Variants in ADGRB3 observed in about 807,000 individuals in gnomAD.
ADGRB3 encodes adhesion G protein-coupled receptor B3.
ADGRB3 carries 37 observed loss-of-function variants against 193.4 expected under a neutral mutation model. That is an observed-to-expected ratio of 0.19 (90% CI 0.15 to 0.25). The LOEUF (loss-of-function observed/expected upper bound fraction) is 0.25. Ranked by LOEUF, ADGRB3 falls within the 10% of genes least tolerant of loss-of-function variation. The pLI, the probability that ADGRB3 is intolerant of heterozygous loss-of-function variation, is 1.00. For missense variants in ADGRB3, 1,637 were observed against 1,852.9 expected, an observed-to-expected ratio of 0.88 and a Z score of 2.14; for synonymous variants, 690 against 644.2, an observed-to-expected ratio of 1.07 and a Z score of -1.08.
intron 3 of ADGRB3, among the ~76,000 whole-genome samples, chr6:68,753,334 A>G (rs1371607833): frequency 6.6e-6 from 1 of 152,202 alleles, no homozygotes; most frequent in Non-Finnish European, 1.5e-5. Flanking sequence ...AAGGGAAAAG[A>G]GGAAATTATC....
In ADGRB3 at chr6:68,857,491, T is replaced by C. The variant is rs773301311; in HGVS notation, c.758-73068T>C. Among the ~76,000 whole-genome samples, 8 of 152,348 alleles carry C rather than the reference T, an allele frequency of 5.3e-5. 1 individual carries two copies. The South Asian group carries it at 6.2e-4, about 12-fold the overall frequency. ...TCATTTTGGAGCTTTAAGAGTTGAC[T>C]GTCCTGCTGGATTTCATACTTGCAT... is the stretch of plus-strand genomic sequence containing the variant. On this transcript the variant is annotated intron_variant, in intron 3 of 31. Transcript: ENST00000370598.
intron 3 of ADGRB3, among the ~76,000 whole-genome samples, chr6:68,651,380 A>G (rs1469366713): frequency 1.3e-5 from 2 of 152,212 alleles, no homozygotes; most frequent in African/African-American, 2.4e-5. Flanking sequence ...TATATTAAAA[A>G]TCTACTCTTT....
intron 3 of ADGRB3, among the ~76,000 whole-genome samples, chr6:68,903,779 G>A (rs1342324085): frequency 6.6e-6 from 1 of 151,706 alleles, no homozygotes; most frequent in Non-Finnish European, 1.5e-5. Context: ...GGGAAGCCGA[G>A]GTGAGAGGAT....
chr6:69,256,752 T>C (rs1766781870), intron 20 of ADGRB3, among the ~76,000 whole-genome samples: 1 of 151,948 alleles, frequency 6.6e-6, no homozygotes, highest in Admixed American at 6.6e-5. Flanking sequence ...TGAATAGGAG[T>C]GGTGAGAGAG....
intron 3 of ADGRB3, among the ~76,000 whole-genome samples, chr6:68,812,729 G>C (rs926416357): frequency 1.3e-5 from 2 of 151,734 alleles, no homozygotes; most frequent in South Asian, 2.1e-4. Flanking sequence ...GAACGTGCAG[G>C]TTTGTTACAT....
chr6:68,782,743 A>G (rs1176234640), intron 3 of ADGRB3, among the ~76,000 whole-genome samples: 3 of 151,832 alleles, frequency 2.0e-5, no homozygotes, highest in African/African-American at 7.3e-5. Flanking sequence ...GCATTTTTTC[A>G]TGTGTTTTTT....
chr6:68,714,777 A>G (rs555956902), intron 3 of ADGRB3, among the ~76,000 whole-genome samples: 1 of 151,966 alleles, frequency 6.6e-6, no homozygotes, highest in East Asian at 1.9e-4. Flanking sequence ...AATATAGTCA[A>G]TGCTTAAAAA....
intron 17 of ADGRB3, among the ~76,000 whole-genome samples, chr6:69,098,085 C>G (rs1485357946): frequency 1.3e-5 from 2 of 152,168 alleles, no homozygotes; most frequent in Non-Finnish European, 2.9e-5. Context: ...CTCTGTTTCA[C>G]TCTGTGACAC....
At chr6:69,350,982 T>G (rs1419114966) in intron 26 of ADGRB3, among the ~76,000 whole-genome samples, 3 of 152,110 alleles carry the variant, frequency 2.0e-5, no homozygotes, top group Admixed American at 2.0e-4. Flanking sequence ...TGAAGTATTC[T>G]ATTCTGTGAT....
intron 13 of ADGRB3, among the ~76,000 whole-genome samples, chr6:69,039,733 T>C (rs1261398740): frequency 6.8e-6 from 1 of 147,276 alleles, no homozygotes; most frequent in Admixed American, 6.8e-5. Context: ...ATTACATAAT[T>C]GTTTTTTTCT....
intron 13 of ADGRB3, among the ~76,000 whole-genome samples, chr6:69,033,365 A>T (rs1028177643): frequency 5.9e-5 from 9 of 152,126 alleles, no homozygotes; most frequent in Admixed American, 1.3e-4. Flanking sequence ...TTTCCTTAAC[A>T]TATACTCCAT....
intron 11 of ADGRB3, among the ~76,000 whole-genome samples, chr6:68,995,357 T>C (rs936718442): frequency 5.9e-5 from 9 of 152,166 alleles, no homozygotes; most frequent in Non-Finnish European, 1.2e-4. Context: ...GTTGAAACAT[T>C]AGGTAAAGTA....
intron 3 of ADGRB3, among the ~76,000 whole-genome samples, chr6:68,861,915 G>T (rs561089735): frequency 6.6e-6 from 1 of 152,278 alleles, no homozygotes; most frequent in Non-Finnish European, 1.5e-5. Flanking sequence ...GCTTAGAACA[G>T]TGTCTGACAT....
At chr6:68,925,508 C>T (rs1004713078) in intron 3 of ADGRB3, among the ~76,000 whole-genome samples, 2 of 151,948 alleles carry the variant, frequency 1.3e-5, no homozygotes, top group Non-Finnish European at 2.9e-5. Flanking sequence ...GAATCTTTCA[C>T]CTGTCAGCAA....
intron 16 of ADGRB3, among the ~76,000 whole-genome samples, chr6:69,068,865 A>G (rs1562145402): frequency 6.6e-6 from 1 of 152,156 alleles, no homozygotes; most frequent in African/African-American, 2.4e-5. Flanking sequence ...GACTCATTCT[A>G]ATTAAAACAG....
intron 20 of ADGRB3, among the ~76,000 whole-genome samples, chr6:69,304,202 T>C (rs574888554): frequency 1.3e-5 from 2 of 152,000 alleles, no homozygotes; most frequent in South Asian, 4.1e-4. Flanking sequence ...ACTTTTTAAA[T>C]ATTTGGGTTG....
At chr6:68,977,839 C>T (rs535281168) in intron 10 of ADGRB3, among the ~76,000 whole-genome samples, 9 of 144,142 alleles carry the variant, frequency 6.2e-5, no homozygotes, top group African/African-American at 9.8e-5. Context: ...GAATATCTGT[C>T]GGGGAGCAGT....
In ADGRB3 at chr6:68,660,285, ATG is replaced by A. The variant is rs1768595641; in HGVS notation, c.757+20857_757+20858del. Reference sequence around the variant, plus strand: ...CAGTATTAAAATATATTTTAATATTATGTGTTTTTACCTTTTTTAGTGAATCT... The same window carrying A: ...CAGTATTAAAATATATTTTAATATTATGTTTTTACCTTTTTTAGTGAATCT... On this transcript the variant is annotated intron_variant, in intron 3 of 31. Coordinates refer to ENST00000370598, the MANE Select transcript of ADGRB3 (RefSeq NM_001704.3). Among the ~76,000 whole-genome samples, 6 of 148,450 alleles carry A rather than the reference ATG, an allele frequency of 4.0e-5. No individual in the cohort carries two copies. In the Admixed American group the frequency reaches 4.1e-4, roughly 10 times the overall value.
intron 3 of ADGRB3, among the ~76,000 whole-genome samples, chr6:68,906,495 T>G (rs1766552456): frequency 1.3e-5 from 2 of 151,950 alleles, no homozygotes; most frequent in African/African-American, 4.8e-5. Context: ...TCAGATAGAT[T>G]CCAAAAAGTA....
Sources: gnomAD v4.1 joint callset for allele counts (sites outside exome capture counted in the v4.1 genomes callset) on GRCh38, gnomAD v4.1.1 for gene constraint, MANE v1.5 for transcripts, NCBI Gene and HGNC (gene_info 2026-07-23, HGNC 2026-07-21) for gene names.